BIRC6: variants seen among roughly 807,000 people sequenced by gnomAD.
BIRC6 encodes baculoviral IAP repeat containing 6.
A neutral mutation model predicts 503.3 loss-of-function variants in BIRC6; 98 were observed. The observed-to-expected ratio is 0.19, with a 90% confidence interval of 0.17 to 0.23. BIRC6 has a LOEUF of 0.23. Among genes scored for constraint, BIRC6 ranks in the 10% least tolerant of loss-of-function variants. The pLI is 1.00. For synonymous variants in BIRC6, 2,240 were observed against 2,078.7 expected (o/e 1.08, Z -2.11); for missense variants, 5,360 against 5,806.0 (o/e 0.92, Z 2.50).
chr2:32,394,260 G>T (rs1297609560), intron 5 of BIRC6, among the ~76,000 whole-genome samples: 1 of 151,200 alleles, frequency 6.6e-6, no homozygotes, highest in African/African-American at 2.4e-5. Context: ...GAAATGTTAG[G>T]GGCTGATTAT....
rs2058166049 is a variant in BIRC6, at chr2:32,547,986, A to G, written c.12947A>G (p.Glu4316Gly). 6.2e-7 allele frequency: 1 copy of G among 1,609,046 alleles called. No homozygotes were observed. The highest frequency in any genetic ancestry group is 2.2e-5 in the East Asian group (1 of 44,804). ...VEQALTKQRL[E>G]EEHVTCLLQV... Reference sequence around the variant, plus strand: ...CAAGCCTTAACTAAGCAAAGGCTGGAAGAGGAACATGTTACCTGCCTTCTG... The same window carrying G: ...CAAGCCTTAACTAAGCAAAGGCTGGGAGAGGAACATGTTACCTGCCTTCTG... The change falls in exon 64 of 74, where the codon GAA (glutamate) becomes GGA (glycine). Residue 4316 changes from glutamate (E) to glycine (G), a missense_variant. This residue lies in a region of BIRC6 where 477 missense variants were observed against 574.4 expected (regional missense o/e 0.83). Coordinates refer to ENST00000421745, the MANE Select transcript of BIRC6 (RefSeq NM_016252.4).
intron 65 of BIRC6, among the ~76,000 whole-genome samples, chr2:32,573,103 T>C (rs1573102201): frequency 6.6e-6 from 1 of 152,226 alleles, no homozygotes; most frequent in Non-Finnish European, 1.5e-5. Context: ...ACTCATGTCC[T>C]TCGCCTAGAA....
At chr2:32,528,746 G>A (rs1426069003) in intron 59 of BIRC6, 1 of 152,162 alleles carries the variant, frequency 6.6e-6, no homozygotes, top group Non-Finnish European at 1.5e-5. Flanking sequence ...CTGAGATAGT[G>A]ACACCTTTGC....
chr2:32,488,772 A>T, intron 42 of BIRC6, 58 bp downstream of exon 42: 14 of 1,195,486 alleles, frequency 1.2e-5, no homozygotes, highest in Non-Finnish European at 1.6e-5. Flanking sequence ...AAACGTAATT[A>T]TTAGGTTAAA....
intron 3 of BIRC6, among the ~76,000 whole-genome samples, chr2:32,386,750 T>C (rs1318661535): frequency 6.6e-6 from 1 of 152,156 alleles, no homozygotes; most frequent in African/African-American, 2.4e-5. Flanking sequence ...CTCAAATCTT[T>C]TACAGTGGCA....
At position 32,499,914 on chromosome 2, in the gene BIRC6, G is replaced by C. The variant is rs200266768; in HGVS notation, c.8836G>C (p.Val2946Leu). The C allele has an allele frequency of 2.1e-5, 34 of 1,614,022 alleles. No individual in the cohort carries two copies. In the African/African-American group the frequency reaches 4.1e-4, roughly 20 times the overall value. The stretch of plus-strand genomic sequence containing the variant: ...TAGGGAATACAGTGCAAGAGTGTCT[G>C]TGACCACAAATACAACAGATAGTGT... The part of the protein sequence containing the change: ...GNREYSARVS[V>L]TTNTTDSVSD... Residue 2946 changes from valine to leucine, a missense_variant, in exon 46 of 74, where the codon GTG becomes CTG. This residue lies in a region of BIRC6 where 2,299 missense variants were observed against 2,267.2 expected (regional missense o/e 1.01). Transcript: ENST00000421745.
At chr2:32,401,077 A>T in intron 6 of BIRC6, 86 bp from the exon 7 acceptor site, 5 of 1,157,654 alleles carry the variant, frequency 4.3e-6, no homozygotes, top group Non-Finnish European at 6.2e-6. Flanking sequence ...AGTTAAAAAA[A>T]GATGATGATC....
intron 12 of BIRC6, 73 bp downstream of exon 12, chr2:32,431,163 A>G: frequency 2.5e-6 from 1 of 405,194 alleles, no homozygotes. Context: ...TAGAATTCCT[A>G]GGTATATTAC....
chr2:32,362,506 G>C (rs2149107047), intron 1 of BIRC6, among the ~76,000 whole-genome samples: 1 of 151,886 alleles, frequency 6.6e-6, no homozygotes, highest in East Asian at 1.9e-4. Context: ...TTTTAGTAGA[G>C]ATGGGGTTTT....
intron 52 of BIRC6, 96 bp from the exon 53 acceptor site, chr2:32,510,430 C>G (rs1357820494): frequency 5.3e-6 from 4 of 758,414 alleles, no homozygotes; most frequent in Admixed American, 4.5e-5. Flanking sequence ...TTATGGAAGC[C>G]TCATTTTTAA....
At chr2:32,483,047 A>T (rs1014663119) in intron 39 of BIRC6, among the ~76,000 whole-genome samples, 11 of 151,338 alleles carry the variant, frequency 7.3e-5, no homozygotes, top group African/African-American at 2.4e-4. Flanking sequence ...CCTCTTGAGT[A>T]GCTGGGAGTA....
At chr2:32,561,247 T>G (rs529453504) in intron 65 of BIRC6, among the ~76,000 whole-genome samples, 26 of 151,530 alleles carry the variant, frequency 1.7e-4, no homozygotes, top group Non-Finnish European at 3.1e-4. Context: ...TTTTTTTTCT[T>G]TTTTCTTTTT....
At chr2:32,446,738 G>GTTTTTTTTTTTTTTTTTT (rs58232090) in intron 21 of BIRC6, among the ~76,000 whole-genome samples, 1 of 34,836 alleles carries the variant, frequency 2.9e-5, no homozygotes, top group Non-Finnish European at 4.7e-5. Flanking sequence ...CCTCTGCGCT[G>GTTTTTTTTTTTTTTTTTT]TTTTTTTTTT....
intron 33 of BIRC6, among the ~76,000 whole-genome samples, chr2:32,474,398 A>G (rs2049488090): frequency 6.6e-6 from 1 of 152,230 alleles, no homozygotes; most frequent in Admixed American, 6.5e-5. Flanking sequence ...ATTAGGATAC[A>G]AAACAAAACC....
At chr2:32,402,064 G>A (rs994878837) in intron 8 of BIRC6, among the ~76,000 whole-genome samples, 3 of 152,194 alleles carry the variant, frequency 2.0e-5, no homozygotes, top group Admixed American at 6.5e-5. Context: ...CCTGAGGTGA[G>A]GCAAGAGGAT....
At chr2:32,594,565 G>A (rs573929642) in intron 67 of BIRC6, among the ~76,000 whole-genome samples, 120 of 152,262 alleles carry the variant, frequency 7.9e-4, no homozygotes, top group Middle Eastern at 3.4e-3. Context: ...GCATAATGGC[G>A]TGTGCCTGTG....
chr2:32,379,957 T>C (rs992849169), intron 2 of BIRC6, among the ~76,000 whole-genome samples, 196 bp from the exon 3 acceptor site: 2 of 152,210 alleles, frequency 1.3e-5, no homozygotes, highest in African/African-American at 4.8e-5. Flanking sequence ...CTGAATACAT[T>C]GCTTTATCTC....
In BIRC6 at chr2:32,503,141, C is replaced by G. The variant is rs367580642; in HGVS notation, c.9404C>G (p.Ser3135Cys). Reference protein sequence around the residue: ...MVSTIMKFLDSGPNKAVDSTL... With the variant: ...MVSTIMKFLDCGPNKAVDSTL... ...TCAACTATTATGAAATTTCTTGACT[C>G]TGGTCCAAATAAAGCTGTTGACAGC... Residue 3135 changes from serine (S) to cysteine (C), a missense_variant, in exon 49 of 74, where the codon TCT becomes TGT. Transcript: ENST00000421745. 1.6e-5 allele frequency: 25 copies of G among 1,612,222 alleles called. No homozygotes were observed. The African/African-American group carries it at 2.4e-4, about 15-fold the overall frequency.
chr2:32,568,407 C>G (rs2059680474), intron 65 of BIRC6, among the ~76,000 whole-genome samples: 1 of 145,400 alleles, frequency 6.9e-6, no homozygotes, highest in Non-Finnish European at 1.5e-5. Flanking sequence ...GCAGGAGGAT[C>G]CTTGAGCCCA....
Sources: allele counts gnomAD v4.1 joint callset (sites outside exome capture counted in the v4.1 genomes callset), GRCh38; gene constraint gnomAD v4.1.1; regional missense constraint gnomAD v4.1.1; transcripts MANE v1.5; gene names NCBI Gene and HGNC (gene_info 2026-07-23, HGNC 2026-07-21).